The following PLA2G4A variants were observed in gnomAD, a reference collection of about 807,000 sequenced individuals.
The protein encoded by PLA2G4A is phospholipase A2 group IVA, also known as cytosolic phospholipase A2.
In PLA2G4A, 40 loss-of-function variants were observed where a neutral mutation model predicts 81.9. That is an observed-to-expected ratio of 0.49 (90% CI 0.38 to 0.64). PLA2G4A has a LOEUF of 0.64. Ranked by LOEUF, PLA2G4A falls within the 30% of genes least tolerant of loss-of-function variation. The probability of loss-of-function intolerance (pLI) is 0.00; values close to 1 mark genes in which losing one functional copy is unlikely to be tolerated. For synonymous variants in PLA2G4A, 302 were observed against 296.9 expected, an observed-to-expected ratio of 1.02 and a Z score of -0.18; for missense variants, 715 against 905.1, an observed-to-expected ratio of 0.79 and a Z score of 2.69.
At chr1:186,852,059 C>T (rs552015306) in intron 1 of PLA2G4A, among the ~76,000 whole-genome samples, 1 of 152,028 alleles carries the variant, frequency 6.6e-6, no homozygotes, top group Admixed American at 6.6e-5. Context: ...AAAATTATCC[C>T]TCTTACCTGT....
chr1:186,917,721 C>T (rs1024245733), intron 7 of PLA2G4A, among the ~76,000 whole-genome samples: 3 of 152,194 alleles, frequency 2.0e-5, no homozygotes, highest in African/African-American at 7.2e-5. Flanking sequence ...GATAAGCCTC[C>T]ACCCACCCAG....
At chr1:186,954,330 T>C (rs977073332) in intron 13 of PLA2G4A, among the ~76,000 whole-genome samples, 59 of 152,024 alleles carry the variant, frequency 3.9e-4, no homozygotes, top group African/African-American at 1.4e-3. Flanking sequence ...CTCAGCAAAC[T>C]ATCACAAAGA....
At chr1:186,964,764 A>G (rs368253027) in intron 14 of PLA2G4A, among the ~76,000 whole-genome samples, 1 of 152,222 alleles carries the variant, frequency 6.6e-6, no homozygotes, top group Non-Finnish European at 1.5e-5. Context: ...TATGAGCTCT[A>G]TCAGAGCAGA....
chr1:186,849,441 G>T (rs1425406626), intron 1 of PLA2G4A, among the ~76,000 whole-genome samples: 2 of 152,074 alleles, frequency 1.3e-5, no homozygotes, highest in Admixed American at 6.6e-5. Context: ...TGGAAATGAC[G>T]TTGAGACTGA....
chr1:186,916,961 G>A (rs917469190), intron 7 of PLA2G4A, among the ~76,000 whole-genome samples: 1 of 152,170 alleles, frequency 6.6e-6, no homozygotes, highest in East Asian at 1.9e-4. Flanking sequence ...GCTTCTGGGT[G>A]TGACTGGAGC....
Position 186,965,587 on chromosome 1 carries a change from G to A in PLA2G4A, c.1758G>A (p.Pro586=), listed in dbSNP as rs34758865. Residue 586 remains proline (P), a synonymous_variant, in exon 15 of 18, where the codon CCG becomes CCA. Coordinates refer to ENST00000367466, the MANE Select transcript of PLA2G4A (RefSeq NM_024420.3). ...FSARPSDSSP[P]FKELLLAEKW... is the part of the protein sequence containing the mutation. ...CAAGGCCAAGTGACTCTAGTCCTCC[G>A]TTCAAGGTAAGGATACATAATACAG... 698 of 1,607,886 alleles carry A rather than the reference G, an allele frequency of 4.3e-4. 2 individuals carry two copies. The African/African-American group carries it at 7.8e-3, about 18-fold the overall frequency.
chr1:186,956,813 C>CTGGATT (rs1487067979), intron 14 of PLA2G4A, among the ~76,000 whole-genome samples: 4 of 152,048 alleles, frequency 2.6e-5, no homozygotes, highest in African/African-American at 9.7e-5. Flanking sequence ...CGTACCTGGC[C>CTGGATT]TGGATTTTTT....
intron 7 of PLA2G4A, among the ~76,000 whole-genome samples, chr1:186,931,342 G>C (rs1467287380): frequency 6.6e-6 from 1 of 151,874 alleles, no homozygotes; most frequent in Non-Finnish European, 1.5e-5. Flanking sequence ...TTCGTTATGA[G>C]GTTTCAAGTT....
At chr1:186,978,509 CAAAG>C (rs112793937) in intron 16 of PLA2G4A, among the ~76,000 whole-genome samples, 2,819 of 152,056 alleles carry the variant, frequency 0.019, 95 homozygotes, top group African/African-American at 0.063. Flanking sequence ...CTCAGGAAGA[CAAAG>C]AAAGAATTGA....
intron 1 of PLA2G4A, among the ~76,000 whole-genome samples, chr1:186,846,006 G>A (rs764222262): frequency 6.6e-6 from 1 of 152,114 alleles, no homozygotes; most frequent in African/African-American, 2.4e-5. Context: ...CACTAAGACT[G>A]GTTATTTAGC....
At chr1:186,831,430 T>C (rs1221100982) in intron 1 of PLA2G4A, among the ~76,000 whole-genome samples, 1 of 152,208 alleles carries the variant, frequency 6.6e-6, no homozygotes, top group Non-Finnish European at 1.5e-5. Flanking sequence ...TCAACCCCAA[T>C]AATAATTAAC....
At chr1:186,902,124 A>G (rs1438734465) in intron 5 of PLA2G4A, among the ~76,000 whole-genome samples, 4 of 152,198 alleles carry the variant, frequency 2.6e-5, no homozygotes, top group South Asian at 4.1e-4. Flanking sequence ...ACGTTACTGC[A>G]CTGAATACAA....
At chr1:186,848,676 G>A (rs1371577575) in intron 1 of PLA2G4A, among the ~76,000 whole-genome samples, 1 of 151,890 alleles carries the variant, frequency 6.6e-6, no homozygotes, top group Non-Finnish European at 1.5e-5. Flanking sequence ...CATGAGTCAT[G>A]TTTGTTTACT....
intron 15 of PLA2G4A, among the ~76,000 whole-genome samples, chr1:186,967,541 T>C (rs1458254647): frequency 6.7e-6 from 1 of 149,652 alleles, no homozygotes; most frequent in Non-Finnish European, 1.5e-5. Flanking sequence ...TTTTGGTTTT[T>C]TGGGGCAAAG....
At chr1:186,960,009 A>C (rs1656891256) in intron 14 of PLA2G4A, among the ~76,000 whole-genome samples, 1 of 152,172 alleles carries the variant, frequency 6.6e-6, no homozygotes, top group South Asian at 2.1e-4. Context: ...TTTTAGAATT[A>C]AAGCAATCTC....
chr1:186,891,395 A>T (rs1654135698), intron 3 of PLA2G4A, among the ~76,000 whole-genome samples: 1 of 143,740 alleles, frequency 7.0e-6, no homozygotes, highest in Non-Finnish European at 1.5e-5. Context: ...AGCAAGTCTT[A>T]TTCATTTTTC....
At chr1:186,928,579 C>A (rs58303526) in intron 7 of PLA2G4A, among the ~76,000 whole-genome samples, 1 of 152,128 alleles carries the variant, frequency 6.6e-6, no homozygotes, top group East Asian at 1.9e-4. Context: ...TGGTGTAAGA[C>A]AATTCATTAT....
intron 5 of PLA2G4A, among the ~76,000 whole-genome samples, chr1:186,895,256 A>G (rs1049812335): frequency 1.3e-5 from 2 of 152,228 alleles, no homozygotes; most frequent in African/African-American, 4.8e-5. Flanking sequence ...TATGGAATGA[A>G]TGTGTACCTA....
At chr1:186,979,500 T>C (rs772345976) in intron 17 of PLA2G4A, 28 bp downstream of exon 17, 3 of 1,423,638 alleles carry the variant, frequency 2.1e-6, no homozygotes, top group East Asian at 2.3e-5. Context: ...CCATTGACTA[T>C]GTCAAATGAC....
Sources: gnomAD v4.1 joint callset for allele counts (sites outside exome capture counted in the v4.1 genomes callset) on GRCh38, gnomAD v4.1.1 for gene constraint, MANE v1.5 for transcripts, NCBI Gene and HGNC (gene_info 2026-07-23, HGNC 2026-07-21) for gene names.